FMN1: variants seen among roughly 807,000 people sequenced by gnomAD.
FMN1 encodes formin 1.
FMN1 carries 110 observed loss-of-function variants against 132.4 expected under a neutral mutation model. The observed-to-expected ratio is 0.83, with a 90% confidence interval of 0.71 to 0.97. FMN1 has a LOEUF of 0.97. Ranked by LOEUF, FMN1 falls within the 50% of genes least tolerant of loss-of-function variation. FMN1 has a pLI of 0.00. For missense variants in FMN1, 1,792 were observed against 1,705.3 expected, an observed-to-expected ratio of 1.05 and a Z score of -0.90; for synonymous variants, 722 against 651.7, an observed-to-expected ratio of 1.11 and a Z score of -1.64.
chr15:33,002,496 A>G (rs2034174978), intron 7 of FMN1, among the ~76,000 whole-genome samples: 1 of 152,078 alleles, frequency 6.6e-6, no homozygotes, highest in Admixed American at 6.5e-5. Flanking sequence ...TCTATTTTTT[A>G]TTGTATTGAT....
chr15:32,793,340 C>T (rs993036907), intron 19 of FMN1, among the ~76,000 whole-genome samples: 6 of 151,784 alleles, frequency 4.0e-5, no homozygotes, highest in East Asian at 3.9e-4. Context: ...AGTGCAGTGG[C>T]GCGATCTCGG....
intron 19 of FMN1, among the ~76,000 whole-genome samples, chr15:32,797,701 T>C (rs141128773): frequency 9.2e-5 from 14 of 152,276 alleles, no homozygotes; most frequent in African/African-American, 3.1e-4. Context: ...CATCTTTAAC[T>C]TCCTTGGAAA....
At chr15:33,125,659 G>C (rs137875573) in intron 4 of FMN1, among the ~76,000 whole-genome samples, 1 of 151,706 alleles carries the variant, frequency 6.6e-6, no homozygotes, top group Non-Finnish European at 1.5e-5. Context: ...GGTCAACATG[G>C]TGAAACCTCG....
At chr15:32,970,630 T>A (rs2031701009) in intron 7 of FMN1, 1 of 152,136 alleles carries the variant, frequency 6.6e-6, no homozygotes, top group Non-Finnish European at 1.5e-5. Flanking sequence ...CAAGTACAGC[T>A]CCCTTTTGCA....
chr15:32,901,958 T>C lies in FMN1; in HGVS notation c.3460A>G (p.Ile1154Val), dbSNP rs2141603860. The C allele has an allele frequency of 1.9e-6, 3 of 1,613,394 alleles. No homozygotes were observed. In the East Asian group the frequency reaches 6.7e-5, roughly 36 times the overall value. The change falls in exon 13 of 21, where the codon ATC (isoleucine) becomes GTC (valine). Residue 1154 changes from isoleucine (I) to valine (V), a missense_variant. By Grantham distance (29) the Ile-to-Val change is conservative. Transcript: ENST00000616417. ...TCTACCTTTCTGTGCAAGGAGGTGATACCCTCAGAAAAGACAGATCTGAAG... is the reference window on the plus strand; with the variant it reads ...TCTACCTTTCTGTGCAAGGAGGTGACACCCTCAGAAAAGACAGATCTGAAG... ...IIFRSVFSEGITSLHRKVEII... is the reference protein window; with the variant it reads ...IIFRSVFSEGVTSLHRKVEII...
intron 6 of FMN1, among the ~76,000 whole-genome samples, chr15:33,060,006 T>C (rs1387311541): frequency 1.3e-5 from 2 of 152,204 alleles, no homozygotes; most frequent in Admixed American, 1.3e-4. Context: ...AGTGGAAGCT[T>C]AGCACAATAC....
chr15:33,099,460 A>G (rs916809340), intron 4 of FMN1, among the ~76,000 whole-genome samples: 1 of 152,216 alleles, frequency 6.6e-6, no homozygotes, highest in Non-Finnish European at 1.5e-5. Context: ...ATGCTCAATT[A>G]GAATAATAGC....
intron 6 of FMN1, among the ~76,000 whole-genome samples, chr15:33,028,538 T>C (rs973560252): frequency 1.4e-5 from 2 of 146,566 alleles, no homozygotes. Context: ...AAAATAAAAA[T>C]AAATAAATAA....
chr15:33,171,293 G>T (rs1566965269), intron 3 of FMN1, among the ~76,000 whole-genome samples: 1 of 152,080 alleles, frequency 6.6e-6, no homozygotes, highest in Admixed American at 6.6e-5. Context: ...AGTTCTGATG[G>T]GCGACAGTAG....
chr15:32,822,556 T>C (rs978008072), intron 17 of FMN1, among the ~76,000 whole-genome samples: 2 of 152,214 alleles, frequency 1.3e-5, no homozygotes, highest in Non-Finnish European at 2.9e-5. Context: ...CAGAAGCTTC[T>C]TGTCTCTCAG....
At position 33,131,306 on chromosome 15, in the gene FMN1, G is replaced by T. The variant is rs1025703349; in HGVS notation, c.1867+21742C>A. Among the ~76,000 whole-genome samples the T allele has an allele frequency of 4.8e-5, 7 of 145,588 alleles. No homozygotes were observed. In the Admixed American group the frequency reaches 4.8e-4, roughly 10 times the overall value. ...ATCGCTCCACTGCACTCCAGCCTGG[G>T]TGACAGAGTGAGACTCCATCTCAAA... On this transcript the variant is annotated intron_variant, in intron 4 of 20. Coordinates refer to ENST00000616417, the MANE Select transcript of FMN1 (RefSeq NM_001277313.2).
intron 15 of FMN1, among the ~76,000 whole-genome samples, chr15:32,891,404 C>T (rs147800507): frequency 0.017 from 2,574 of 152,284 alleles, 65 homozygotes; most frequent in African/African-American, 0.059. Flanking sequence ...CCCGCCACCA[C>T]GCCCAGCTAA....
chr15:33,183,487 G>A (rs547197254), intron 2 of FMN1, among the ~76,000 whole-genome samples: 1 of 152,308 alleles, frequency 6.6e-6, no homozygotes, highest in Admixed American at 6.5e-5. Context: ...CAGAGACTGT[G>A]TGTTACTCAA....
chr15:32,804,338 A>G lies in FMN1; in HGVS notation c.3929-6T>C. On this transcript the variant is annotated splice_polypyrimidine_tract_variant and splice_region_variant and intron_variant, in intron 17 of 20. Transcript: ENST00000616417. ...CATCTTATGCTCTTTTTTGGCTGTA[A>G]AAGATAAATCATGATTAAAAATTTT... 1.3e-6 allele frequency: 2 copies of G among 1,553,432 alleles called. No homozygotes were observed. Among genetic ancestry groups the G allele is most frequent in the Non-Finnish European group, 1.7e-6 (2 of 1,147,188 alleles).
intron 16 of FMN1, among the ~76,000 whole-genome samples, chr15:32,882,756 A>G (rs1241697375): frequency 6.6e-6 from 1 of 152,248 alleles, no homozygotes; most frequent in East Asian, 1.9e-4. Context: ...CCCTGAAAGA[A>G]AAGTATTGGG....
At chr15:32,921,988 T>C (rs887096487) in intron 10 of FMN1, among the ~76,000 whole-genome samples, 5 of 152,176 alleles carry the variant, frequency 3.3e-5, no homozygotes, top group Non-Finnish European at 5.9e-5. Context: ...CTTTCCTCAA[T>C]TGGAAAAGCT....
intron 4 of FMN1, chr15:33,151,332 T>G: frequency 6.5e-7 from 1 of 1,536,624 alleles, no homozygotes; most frequent in South Asian, 1.2e-5. Flanking sequence ...ATGCTTACAG[T>G]TCTTATGACT....
intron 3 of FMN1, among the ~76,000 whole-genome samples, chr15:33,158,202 G>A (rs113643349): frequency 0.032 from 4,791 of 151,940 alleles, 284 homozygotes; most frequent in African/African-American, 0.11. Context: ...GAGAAGGACT[G>A]ACATAAAGGC....
chr15:33,046,676 T>C (rs1246934220), intron 6 of FMN1, among the ~76,000 whole-genome samples: 1 of 152,132 alleles, frequency 6.6e-6, no homozygotes. Context: ...CTGGGCTCTC[T>C]TAGGGAAAGA....
Sources: allele counts gnomAD v4.1 joint callset (sites outside exome capture counted in the v4.1 genomes callset), GRCh38; gene constraint gnomAD v4.1.1; transcripts MANE v1.5; gene names NCBI Gene and HGNC (gene_info 2026-07-23, HGNC 2026-07-21).